Variants in BLOC1S5 observed in about 807,000 individuals in gnomAD.
BLOC1S5 encodes the protein biogenesis of lysosome-related organelles complex 1 subunit 5.
BLOC1S5 carries 27 observed loss-of-function variants against 24.3 expected under a neutral mutation model. That is an observed-to-expected ratio of 1.11 (90% confidence interval 0.82 to 1.53). The LOEUF is 1.53. Ranked by LOEUF, BLOC1S5 falls within the 40% of genes most tolerant of loss-of-function variation. BLOC1S5 has a pLI of 0.00. For synonymous variants in BLOC1S5, 84 were observed against 74.5 expected (o/e 1.13, Z -0.66); for missense variants, 239 against 229.4 (o/e 1.04, Z -0.27).
At chr6:8,023,344 C>G (rs1762991168) in intron 4 of BLOC1S5, among the ~76,000 whole-genome samples, 1 of 152,204 alleles carries the variant, frequency 6.6e-6, no homozygotes, top group Non-Finnish European at 1.5e-5. Flanking sequence ...TTACTTCCTA[C>G]AGAAATCCAC....
At chr6:8,040,349 G>A (rs976250707) in intron 3 of BLOC1S5, among the ~76,000 whole-genome samples, 5 of 152,176 alleles carry the variant, frequency 3.3e-5, no homozygotes, top group African/African-American at 9.7e-5. Flanking sequence ...AAATTCGTTT[G>A]TATTTTTAAT....
At chr6:8,027,325 G>C (rs1368368188) in intron 3 of BLOC1S5, 1 of 456,276 alleles carries the variant, frequency 2.2e-6, no homozygotes, top group South Asian at 1.6e-5. Context: ...TTTGACAAAT[G>C]TTTACTGAGC....
chr6:8,041,312 CTTTTTT>C (rs55949249), intron 2 of BLOC1S5, 44 bp from the exon 3 acceptor site: 45 of 1,081,666 alleles, frequency 4.2e-5, no homozygotes, highest in African/African-American at 2.8e-4. Flanking sequence ...GTGTCTTTTC[CTTTTTT>C]TTTTTTTTTT....
At chr6:8,054,304 C>T in intron 2 of BLOC1S5, 1 of 448,832 alleles carries the variant, frequency 2.2e-6, no homozygotes, top group Non-Finnish European at 4.4e-6. Flanking sequence ...TACACTACAT[C>T]TTCACCGTCA....
chr6:8,042,217 C>T (rs984212607), intron 2 of BLOC1S5, among the ~76,000 whole-genome samples: 1 of 152,192 alleles, frequency 6.6e-6, no homozygotes, highest in Non-Finnish European at 1.5e-5. Flanking sequence ...ATTAAACACT[C>T]CGATCTGATC....
chr6:8,058,357 GAAAAAAA>G (rs60827828), intron 2 of BLOC1S5, among the ~76,000 whole-genome samples: 8 of 84,588 alleles, frequency 9.5e-5, no homozygotes, highest in South Asian at 6.2e-4. Context: ...CTGTCTCTAT[GAAAAAAA>G]AAAAAAAAAA....
intron 2 of BLOC1S5, among the ~76,000 whole-genome samples, chr6:8,057,479 T>C (rs1336711218): frequency 1.3e-5 from 2 of 152,226 alleles, no homozygotes; most frequent in Admixed American, 1.3e-4. Flanking sequence ...CTCATAAAGC[T>C]TGGTTTCTGA....
intron 4 of BLOC1S5, among the ~76,000 whole-genome samples, chr6:8,016,876 C>CAA (rs36179729): frequency 0.2 from 19,952 of 97,534 alleles, 2,645 homozygotes; most frequent in African/African-American, 0.3. Flanking sequence ...TACTCTATCT[C>CAA]AAAAAAAAAA....
chr6:8,052,287 G>A (rs2815148), intron 2 of BLOC1S5, among the ~76,000 whole-genome samples: 1 of 152,062 alleles, frequency 6.6e-6, no homozygotes, highest in African/African-American at 2.4e-5. Context: ...ATTCTACAGC[G>A]CATGGATTAA....
At chr6:8,035,179 T>C (rs189176881) in intron 3 of BLOC1S5, among the ~76,000 whole-genome samples, 40 of 151,982 alleles carry the variant, frequency 2.6e-4, no homozygotes, top group African/African-American at 8.4e-4. Context: ...ACAGTGAACT[T>C]TGGGGACTCA....
intron 2 of BLOC1S5, among the ~76,000 whole-genome samples, chr6:8,055,959 T>C (rs1190555273): frequency 6.6e-6 from 1 of 152,140 alleles, no homozygotes. Context: ...AGGTGATTAG[T>C]TCATGAGGGC....
chr6:8,051,497 C>A (rs531623642), intron 2 of BLOC1S5, among the ~76,000 whole-genome samples: 1 of 152,342 alleles, frequency 6.6e-6, no homozygotes, highest in African/African-American at 2.4e-5. Context: ...ACGTAGACTG[C>A]AAGATCTAGC....
intron 2 of BLOC1S5, chr6:8,042,006 T>C (rs1763711086): frequency 2.6e-5 from 4 of 152,212 alleles, no homozygotes; most frequent in Admixed American, 2.6e-4. Context: ...GGTTATGACT[T>C]ATTACTGAAA....
chr6:8,037,807 C>A (rs1454686048), intron 3 of BLOC1S5, among the ~76,000 whole-genome samples: 1 of 152,026 alleles, frequency 6.6e-6, no homozygotes, highest in African/African-American at 2.4e-5. Flanking sequence ...GAATCAATAA[C>A]CCAGATATAA....
chr6:8,031,598 C>A (rs576239335), intron 3 of BLOC1S5, among the ~76,000 whole-genome samples: 5 of 148,220 alleles, frequency 3.4e-5, no homozygotes, highest in Non-Finnish European at 7.5e-5. Context: ...TATCAATATT[C>A]ACAGCACTAG....
At position 8,018,074 on chromosome 6, in the gene BLOC1S5, C is replaced by T. The variant is rs149217879; in HGVS notation, c.385-2246G>A. 5 of 152,336 alleles carry T rather than the reference C, an allele frequency of 3.3e-5. No individual in the cohort carries two copies. The East Asian group carries it at 5.8e-4, about 18-fold the overall frequency. The allele number at this position is 152,336 out of a possible 1,614,324, so 9.4% of individuals were successfully genotyped here. On this transcript the variant is annotated intron_variant, in intron 4 of 4. Transcript: ENST00000397457. ...AGTCAAACTTTGCTCTAAAATATGT[C>T]CTACGGACACTTGGGATCTGAACAG...
At chr6:8,034,911 G>A (rs1203175036) in intron 3 of BLOC1S5, among the ~76,000 whole-genome samples, 2 of 151,856 alleles carry the variant, frequency 1.3e-5, no homozygotes, top group Non-Finnish European at 2.9e-5. Context: ...CAATCAACAA[G>A]TGGATAAAGA....
At chr6:8,022,578 TCTTTTTTTTTTTTC>T (rs1762954049) in intron 4 of BLOC1S5, among the ~76,000 whole-genome samples, 1 of 79,736 alleles carries the variant, frequency 1.3e-5, no homozygotes, top group Non-Finnish European at 2.4e-5. Flanking sequence ...ATTTTTTTTT[TCTTTTTTTTTTTTC>T]TTTTTTTTTT....
chr6:8,041,251 T>C lies in BLOC1S5; in HGVS notation c.213A>G (p.Arg71=). Reference sequence around the variant, plus strand: ...TCAAATTTTCAAGAACTCGCATTTCTCGAAGACCACGTTTTTCCTATTAAA... The same window carrying C: ...TCAAATTTTCAAGAACTCGCATTTCCCGAAGACCACGTTTTTCCTATTAAA... The part of the protein sequence containing the change: ...VKEFEEKRGL[R]EMRVLENLKN... The change falls in exon 3 of 5, where the codon CGA becomes CGG. Residue 71 remains arginine (R), a synonymous_variant. Coordinates refer to ENST00000397457, the MANE Select transcript of BLOC1S5 (RefSeq NM_201280.3). 6.2e-7 allele frequency: 1 copy of C among 1,610,044 alleles called. No homozygotes were observed. Among genetic ancestry groups the C allele is most frequent in the South Asian group, 1.1e-5 (1 of 90,486 alleles).
Sources: allele counts gnomAD v4.1 joint callset (sites outside exome capture counted in the v4.1 genomes callset), GRCh38; gene constraint gnomAD v4.1.1; transcripts MANE v1.5; gene names NCBI Gene and HGNC (gene_info 2026-07-23, HGNC 2026-07-21).